CAT: variants seen among roughly 807,000 people sequenced by gnomAD.
CAT encodes catalase, also known as epididymis secretory sperm binding protein.
A neutral mutation model predicts 59.0 loss-of-function variants in CAT; 43 were observed. The ratio of observed to expected loss-of-function variants is 0.73; its 90% CI spans 0.57 to 0.94. CAT has a LOEUF of 0.94. Among genes scored for constraint, CAT ranks in the 40% least tolerant of loss-of-function variants. The probability of loss-of-function intolerance (pLI) is 0.00; values close to 1 mark genes in which losing one functional copy is unlikely to be tolerated. For synonymous variants in CAT, 218 were observed against 230.9 expected, an observed-to-expected ratio of 0.94 and a Z score of 0.51; for missense variants, 664 against 682.9, an observed-to-expected ratio of 0.97 and a Z score of 0.31.
At chr11:34,441,923 T>C (rs999145734) in intron 1 of CAT, among the ~76,000 whole-genome samples, 1 of 152,242 alleles carries the variant, frequency 6.6e-6, no homozygotes, top group African/African-American at 2.4e-5. Context: ...GAATGTGTTA[T>C]GAGAAACTGC....
At chr11:34,466,541 G>T (rs1047391743) in intron 10 of CAT, among the ~76,000 whole-genome samples, 1 of 152,096 alleles carries the variant, frequency 6.6e-6, no homozygotes, top group South Asian at 2.1e-4. Flanking sequence ...ACTTTGGGAG[G>T]CTGAGGTGGG....
At position 34,471,393 on chromosome 11, in the gene CAT, C is replaced by A. The variant is rs754044325; in HGVS notation, c.1544C>A (p.Ser515Tyr). The A allele has an allele frequency of 3.7e-6, 6 of 1,613,944 alleles. No homozygotes were observed. Among genetic ancestry groups the A allele is most frequent in the South Asian group, 1.1e-5 (1 of 91,068 alleles). Residue 515 changes from serine to tyrosine, a missense_variant, in exon 13 of 13, where the codon TCC becomes TAC. Transcript: ENST00000241052. ...AATGCGATTCACACCTTTGTGCAGT[C>A]CGGATCTCACTTGGCGGCAAGGGAG... ...PKNAIHTFVQ[S>Y]GSHLAAREKA... is the part of the protein sequence containing the mutation.
Position 34,449,261 on chromosome 11 carries a change from C to G in CAT, c.136C>G (p.Pro46Ala). The G allele has an allele frequency of 6.2e-7, 1 of 1,612,992 alleles. No homozygotes were observed. The highest frequency in any genetic ancestry group is 8.5e-7 in the Non-Finnish European group (1 of 1,178,902). ...CAAACTTAATGTTATTACAGTAGGG[C>G]CCCGTGGGCCCCTTCTTGTTCAGGA... ...GDKLNVITVG[P>A]RGPLLVQDVV... The change falls in exon 2 of 13, where the codon CCC (proline) becomes GCC (alanine). Residue 46 changes from proline (P) to alanine (A), a missense_variant. Physicochemically the swap from Pro to Ala is conservative, Grantham distance 27. Coordinates refer to ENST00000241052, the MANE Select transcript of CAT (RefSeq NM_001752.4).
At chr11:34,442,449 A>G (rs1354289212) in intron 1 of CAT, among the ~76,000 whole-genome samples, 3 of 152,120 alleles carry the variant, frequency 2.0e-5, no homozygotes, top group Non-Finnish European at 4.4e-5. Flanking sequence ...TAAAAATACA[A>G]AATTAGCTGG....
chr11:34,449,483 G>A (rs1590300898), intron 2 of CAT, 120 bp downstream of exon 2: 2 of 812,184 alleles, frequency 2.5e-6, no homozygotes, highest in East Asian at 5.0e-5. Flanking sequence ...GTGGGAGAAA[G>A]GAAAAACATC....
intron 5 of CAT, 125 bp downstream of exon 5, chr11:34,453,319 C>T (rs867553627): frequency 2.6e-6 from 2 of 758,822 alleles, no homozygotes; most frequent in East Asian, 2.5e-5. Context: ...ATTTCTTGAT[C>T]GTGAAGAGTT....
chr11:34,443,329 T>G (rs1856413506), intron 1 of CAT, among the ~76,000 whole-genome samples: 1 of 152,214 alleles, frequency 6.6e-6, no homozygotes, highest in South Asian at 2.1e-4. Context: ...TCAGATTTGG[T>G]TTGCTGACAG....
Position 34,452,163 on chromosome 11 carries a change from G to A in CAT, c.436G>A (p.Val146Ile), listed in dbSNP as rs771814610. The A allele has an allele frequency of 6.8e-6, 11 of 1,613,746 alleles. No individual in the cohort carries two copies. The highest frequency in any genetic ancestry group is 1.1e-5 in the South Asian group (1 of 91,074). Reference protein sequence around the residue: ...FYTEDGNWDLVGNNTPIFFIR... With the variant: ...FYTEDGNWDLIGNNTPIFFIR... The stretch of plus-strand genomic sequence containing the variant: ...CACAGAAGATGGTAACTGGGATCTC[G>A]TTGGAAATAACACCCCCATTTTCTT... The change falls in exon 4 of 13, where the codon GTT (valine) becomes ATT (isoleucine). Residue 146 changes from valine (V) to isoleucine (I), a missense_variant. Physicochemically the swap from Val to Ile is conservative, Grantham distance 29. Coordinates refer to ENST00000241052, the MANE Select transcript of CAT (RefSeq NM_001752.4).
intron 11 of CAT, among the ~76,000 whole-genome samples, chr11:34,468,734 C>G (rs1450052113): frequency 1.3e-5 from 2 of 152,110 alleles, no homozygotes; most frequent in Admixed American, 6.5e-5. Flanking sequence ...TGCTGCAATT[C>G]TACTTAAACT....
intron 9 of CAT, 109 bp from the exon 10 acceptor site, chr11:34,463,996 A>AC: frequency 9.9e-7 from 1 of 1,010,632 alleles, no homozygotes; most frequent in South Asian, 1.3e-5. Flanking sequence ...GTGTATGTGT[A>AC]CGTGTGTATT....
Position 34,451,011 on chromosome 11 carries a change from A to G in CAT, c.262A>G (p.Thr88Ala), listed in dbSNP as rs1164296599. ...GAGAFGYFEV[T>A]HDITKYSKAK... ...AGGGGCCTTTGGCTACTTTGAGGTC[A>G]CACATGACATTACCAAATACTCCAA... Residue 88 changes from threonine to alanine, a missense_variant, in exon 3 of 13, where the codon ACA (threonine) becomes GCA (alanine). Thr to Ala is a moderately conservative substitution (Grantham distance 58). Transcript: ENST00000241052. The G allele has an allele frequency of 6.2e-7, 1 of 1,612,988 alleles. No homozygotes were observed. Among genetic ancestry groups the G allele is most frequent in the Admixed American group, 1.7e-5 (1 of 60,020 alleles).
In CAT at chr11:34,453,141, G is replaced by A. The variant is rs529144536; in HGVS notation, c.532G>A (p.Asp178Asn). The A allele has an allele frequency of 6.2e-7, 1 of 1,613,556 alleles. No individual in the cohort carries two copies. The highest frequency in any genetic ancestry group is 1.3e-5 in the African/African-American group (1 of 74,890). The change falls in exon 5 of 13, where the codon GAT becomes AAT. Residue 178 changes from aspartate to asparagine, a missense_variant. Coordinates refer to ENST00000241052, the MANE Select transcript of CAT (RefSeq NM_001752.4). Reference sequence around the variant, plus strand: ...GAGAAATCCTCAGACACATCTGAAGGATCCGGACATGGTCTGGGACTTCTG... The same window carrying A: ...GAGAAATCCTCAGACACATCTGAAGAATCCGGACATGGTCTGGGACTTCTG... ...QKRNPQTHLK[D>N]PDMVWDFWSL...
intron 9 of CAT, 79 bp downstream of exon 9, chr11:34,461,468 C>T (rs1650489138): frequency 1.9e-6 from 3 of 1,539,866 alleles, no homozygotes; most frequent in Admixed American, 1.7e-5. Context: ...AGGCCAGTGG[C>T]TCTCAAGCTG....
chr11:34,439,845 G>A (rs1479141454), intron 1 of CAT, among the ~76,000 whole-genome samples: 1 of 152,212 alleles, frequency 6.6e-6, no homozygotes, highest in Non-Finnish European at 1.5e-5. Context: ...GCGTGGTGAG[G>A]GCTCTAATAG....
In CAT at chr11:34,461,315, C is replaced by G. The variant is rs781032786; in HGVS notation, c.1121C>G (p.Pro374Arg). 2 of 1,614,190 alleles carry G rather than the reference C, an allele frequency of 1.2e-6. No individual in the cohort carries two copies. Among genetic ancestry groups the G allele is most frequent in the Admixed American group, 3.3e-5 (2 of 60,026 alleles). Residue 374 changes from proline to arginine, a missense_variant, in exon 9 of 13, where the codon CCT (proline) becomes CGT (arginine). Transcript: ENST00000241052. ...CTGGGACCCAATTATCTTCATATAC[C>G]TGTGAACTGTCCCTACCGTGCTCGA... ...HRLGPNYLHI[P>R]VNCPYRARVA...
intron 3 of CAT, 62 bp from the exon 4 acceptor site, chr11:34,452,014 TC>T: frequency 2.5e-6 from 4 of 1,589,072 alleles, no homozygotes; most frequent in Middle Eastern, 1.7e-4. Flanking sequence ...TCTTTATGTC[TC>T]CAGGCTTCTT....
At chr11:34,445,183 A>T (rs1463681696) in intron 1 of CAT, among the ~76,000 whole-genome samples, 1 of 152,092 alleles carries the variant, frequency 6.6e-6, no homozygotes, top group Non-Finnish European at 1.5e-5. Flanking sequence ...AGGAGTACAC[A>T]GTCTAGAGAG....
chr11:34,442,750 A>G (rs1432124289), intron 1 of CAT, among the ~76,000 whole-genome samples: 2 of 152,100 alleles, frequency 1.3e-5, no homozygotes, highest in Non-Finnish European at 2.9e-5. Flanking sequence ...CATGGCTTTT[A>G]TGGGCGTCAC....
chr11:34,440,406 A>C, intron 1 of CAT, among the ~76,000 whole-genome samples: 1 of 152,094 alleles, frequency 6.6e-6, no homozygotes. Context: ...ACAAGGTTAG[A>C]ATTCAGCTTC....
Sources: gnomAD v4.1 joint callset for allele counts (sites outside exome capture counted in the v4.1 genomes callset) on GRCh38, gnomAD v4.1.1 for gene constraint, MANE v1.5 for transcripts, NCBI Gene and HGNC (gene_info 2026-07-23, HGNC 2026-07-21) for gene names.